RNF213: variants seen among roughly 807,000 people sequenced by gnomAD.
RNF213 encodes ring finger protein 213.
A neutral mutation model predicts 514.4 loss-of-function variants in RNF213; 341 were observed. That is an observed-to-expected ratio of 0.66 (90% confidence interval 0.61 to 0.73). The LOEUF (loss-of-function observed/expected upper bound fraction) is 0.73. Among genes scored for constraint, RNF213 ranks in the 30% least tolerant of loss-of-function variants. RNF213 has a pLI of 0.00. For missense variants in RNF213, 5,767 were observed against 6,615.6 expected (o/e 0.87, Z 4.45); for synonymous variants, 2,655 against 2,658.2 (o/e 1.00, Z 0.04).
chr17:80,325,857 G>A (rs140560595), intron 18 of RNF213, among the ~76,000 whole-genome samples: 1,529 of 152,278 alleles, frequency 0.01, 28 homozygotes, highest in African/African-American at 0.035. Context: ...CAGGGAAGCT[G>A]TGGGGATCAA....
At position 80,377,831 on chromosome 17, in the gene RNF213, T is replaced by C. The variant is rs1344064684; in HGVS notation, c.13545+35T>C. The C allele has an allele frequency of 6.2e-7, 1 of 1,612,728 alleles. No individual in the cohort carries two copies. Among genetic ancestry groups the C allele is most frequent in the Admixed American group, 1.7e-5 (1 of 60,012 alleles). Reference sequence around the variant, plus strand: ...GGTATTTAAGATAGGGTTTGAGGGGTGGCGTGCACTCCTGGGTTGGAGGAG... The same window carrying C: ...GGTATTTAAGATAGGGTTTGAGGGGCGGCGTGCACTCCTGGGTTGGAGGAG... On this transcript the variant is annotated intron_variant, in intron 54 of 67. Coordinates refer to ENST00000582970, the MANE Select transcript of RNF213 (RefSeq NM_001256071.3). The surrounding 1 kb of genome is among the most constrained non-coding windows in gnomAD (Gnocchi z 4.1).
At chr17:80,293,796 C>T (rs1248678644) in intron 8 of RNF213, among the ~76,000 whole-genome samples, 5 of 151,828 alleles carry the variant, frequency 3.3e-5, no homozygotes, top group African/African-American at 1.2e-4. Flanking sequence ...CACTGCACTC[C>T]AGCCTGGGCG....
intron 36 of RNF213, among the ~76,000 whole-genome samples, chr17:80,357,388 C>T (rs2144312347): frequency 6.6e-6 from 1 of 152,300 alleles, no homozygotes; most frequent in South Asian, 2.1e-4. Flanking sequence ...TCCATCCACC[C>T]ATCTGTCCGT....
In RNF213 at chr17:80,359,024, G is replaced by A. The variant is rs117254855; in HGVS notation, c.11054+545G>A. Among the ~76,000 whole-genome samples, 683 of 152,276 alleles carry A rather than the reference G, an allele frequency of 4.5e-3. 3 individuals carry two copies. Among genetic ancestry groups the A allele is most frequent in the Non-Finnish European group, 7.2e-3 (490 of 68,020 alleles). On this transcript the variant is annotated intron_variant, in intron 37 of 67. Transcript: ENST00000582970. ...AGCCAGACCCAGCATGGCGTGACAC[G>A]GAGACAGTGCGCTGCGAACAGCCCC...
chr17:80,377,436 A>C lies in RNF213; in HGVS notation c.13511-326A>C, dbSNP rs1289702096. ...AAAGTTGTTATAAAATATGCTCATGACAAAAAAAAAAAAATCAAGGAAAAT... is the reference window on the plus strand; with the variant it reads ...AAAGTTGTTATAAAATATGCTCATGCCAAAAAAAAAAAAATCAAGGAAAAT... On this transcript the variant is annotated intron_variant, in intron 53 of 67. Transcript: ENST00000582970. This position sits in a 1 kb window ranked among gnomAD's most constrained non-coding sequence, Gnocchi z 4.1. Among the ~76,000 whole-genome samples the C allele has an allele frequency of 1.8e-5, 2 of 110,936 alleles. No homozygotes were observed. Among genetic ancestry groups the C allele is most frequent in the Non-Finnish European group, 4.4e-5 (2 of 45,068 alleles). 72.8% of individuals were successfully genotyped at this position (110,936 alleles called of 152,430 possible).
Position 80,273,325 on chromosome 17 carries a change from C to G in RNF213, c.182C>G (p.Pro61Arg). ...CAGGAGCTGAAGGAGGAAGGGGGCC[C>G]GTGCTTGTTCCCGGGCTCAGACAGT... The part of the protein sequence containing the change: ...CGQELKEEGG[P>R]CLFPGSDSWQ... Residue 61 changes from proline to arginine, a missense_variant, in exon 3 of 68, where the codon CCG (proline) becomes CGG (arginine). Pro to Arg is a moderately radical substitution (Grantham distance 103, BLOSUM62 -2). This residue lies in a region of RNF213 where 509 missense variants were observed against 496.7 expected (regional missense o/e 1.02). Coordinates refer to ENST00000582970, the MANE Select transcript of RNF213 (RefSeq NM_001256071.3). 1 of 1,613,524 alleles carries G rather than the reference C, an allele frequency of 6.2e-7. No individual in the cohort carries two copies. Among genetic ancestry groups the G allele is most frequent in the Non-Finnish European group, 8.5e-7 (1 of 1,180,010 alleles).
intron 8 of RNF213, among the ~76,000 whole-genome samples, chr17:80,293,397 G>A (rs1394747467): frequency 6.6e-6 from 1 of 152,050 alleles, no homozygotes; most frequent in South Asian, 2.1e-4. Context: ...TGTACTCTGA[G>A]AACATAAGCT....
rs535851392 is a variant in RNF213, at chr17:80,264,064, G to A, written c.97+286G>A. 9.2e-5 allele frequency among the ~76,000 whole-genome samples: 14 copies of A among 152,344 alleles called. No homozygotes were observed. In the South Asian group the frequency reaches 1.2e-3, roughly 14 times the overall value. On this transcript the variant is annotated intron_variant, in intron 2 of 67. Transcript: ENST00000582970. This position sits in a 1 kb window ranked among gnomAD's most constrained non-coding sequence, Gnocchi z 5.0. The stretch of plus-strand genomic sequence containing the variant: ...GGCCTGAGTGAGCCCACCCGAGTGG[G>A]AGGAGAGGGCAGGGCCAGGGCAGGG...
At chr17:80,319,725 G>A in intron 17 of RNF213, 1 of 1,405,654 alleles carries the variant, frequency 7.1e-7, no homozygotes, top group Non-Finnish European at 9.3e-7. Context: ...TATGTGAAAT[G>A]GAAAATTGTA....
chr17:80,346,175 G>A lies in RNF213; in HGVS notation c.7840G>A (p.Val2614Met), dbSNP rs375548876. 210 of 1,614,052 alleles carry A rather than the reference G, an allele frequency of 1.3e-4. No homozygotes were observed. Among genetic ancestry groups the A allele is most frequent in the Non-Finnish European group, 1.7e-4 (200 of 1,180,040 alleles). Residue 2614 changes from valine (V) to methionine (M), a missense_variant, in exon 29 of 68, where the codon GTG (valine) becomes ATG (methionine). By Grantham distance (21) the Val-to-Met change is conservative. Around this residue, in one of 13 missense-constraint regions of RNF213, gnomAD observed 1,377 missense variants for 1,635.2 expected, o/e 0.84. Transcript: ENST00000582970. This position sits in a 1 kb window ranked among gnomAD's most constrained non-coding sequence, Gnocchi z 8.1. ...CAGCCTAGATGAAAACGGGACTCGC[G>A]TGATCACAGAAGTCCTCTGCGCCTC... Reference protein sequence around the residue: ...SISLDENGTRVITEVLCASQG... With the variant: ...SISLDENGTRMITEVLCASQG...
intron 36 of RNF213, 142 bp from the exon 37 acceptor site, chr17:80,358,144 CAA>C (rs1379407686): frequency 7.5e-6 from 5 of 666,696 alleles, no homozygotes; most frequent in Non-Finnish European, 1.3e-5. Flanking sequence ...ATGGAAATGT[CAA>C]GTTATTGCTG....
Position 80,395,663 on chromosome 17 carries a change from GCTAA to G in RNF213, c.*2172_*2175del, listed in dbSNP as rs139478382. The G allele has an allele frequency of 2.5e-4, 38 of 152,384 alleles. No individual in the cohort carries two copies. Among genetic ancestry groups the G allele is most frequent in the African/African-American group, 9.1e-4 (38 of 41,560 alleles). The allele number at this position is 152,384 out of a possible 1,614,324, so 9.4% of individuals were successfully genotyped here. A position where few individuals can be genotyped will look rare whatever the true frequency, so the allele number is the denominator to read the frequency against. ...TGCAGCTAACGGGGTACAGGTAGGA[GCTAA>G]CTAACTTCACCCCTGAGTCCACTTG... On this transcript the variant is annotated 3_prime_UTR_variant, in exon 68 of 68. Coordinates refer to ENST00000582970, the MANE Select transcript of RNF213 (RefSeq NM_001256071.3).
At chr17:80,389,486 A>G in intron 65 of RNF213, 119 bp downstream of exon 65, 1 of 860,784 alleles carries the variant, frequency 1.2e-6, no homozygotes, top group South Asian at 1.4e-5. Flanking sequence ...GGATGGGGAG[A>G]CAAGAACAAC....
chr17:80,361,603 G>T, intron 38 of RNF213, 131 bp from the exon 39 acceptor site: 1 of 883,600 alleles, frequency 1.1e-6, no homozygotes, highest in Non-Finnish European at 1.9e-6. Context: ...TCAGGCAGTT[G>T]GTACCCCTTT....
At position 80,346,521 on chromosome 17, in the gene RNF213, A is replaced by G; in HGVS notation, c.8186A>G (p.Gln2729Arg). Residue 2729 changes from glutamine (Q) to arginine (R), a missense_variant, in exon 29 of 68, where the codon CAG becomes CGG. Coordinates refer to ENST00000582970, the MANE Select transcript of RNF213 (RefSeq NM_001256071.3). This position sits in a 1 kb window ranked among gnomAD's most constrained non-coding sequence, Gnocchi z 8.1. ...RLLLDEITRA[Q>R]DLFLDGVPLR... ...CTTCTGGATGAAATAACACGGGCAC[A>G]GGATCTTTTTCTGGACGGCGTACCT... 6.2e-7 allele frequency: 1 copy of G among 1,613,642 alleles called. No individual in the cohort carries two copies. Among genetic ancestry groups the G allele is most frequent in the Non-Finnish European group, 8.5e-7 (1 of 1,180,042 alleles).
intron 13 of RNF213, among the ~76,000 whole-genome samples, chr17:80,308,629 C>T (rs545544133): frequency 5.3e-5 from 8 of 152,336 alleles, no homozygotes; most frequent in Non-Finnish European, 7.3e-5. Flanking sequence ...CAATTCCACA[C>T]GGGCTGCACG....
At position 80,385,406 on chromosome 17, in the gene RNF213, C is replaced by T. The variant is rs1262107083; in HGVS notation, c.14456-132C>T. 3 of 912,640 alleles carry T rather than the reference C, an allele frequency of 3.3e-6. No individual in the cohort carries two copies. The Admixed American group carries it at 5.9e-5, about 18-fold the overall frequency. 56.5% of individuals were successfully genotyped at this position (912,640 alleles called of 1,614,324 possible). On this transcript the variant is annotated intron_variant, in intron 60 of 67. Transcript: ENST00000582970. ...CTCAAACTCGGCTCACTCCTTCAAA[C>T]AGCACCTCAGACATGCTTGTGACTG...
At chr17:80,374,432 A>T in intron 49 of RNF213, 26 bp from the exon 50 acceptor site, 1 of 1,613,604 alleles carries the variant, frequency 6.2e-7, no homozygotes, top group Non-Finnish European at 8.5e-7. Flanking sequence ...CCCATTGTTC[A>T]CCCCCAACTA....
intron 3 of RNF213, among the ~76,000 whole-genome samples, chr17:80,280,552 C>G (rs759782016): frequency 3.9e-5 from 6 of 152,118 alleles, no homozygotes; most frequent in Non-Finnish European, 8.8e-5. Context: ...TTCCTGGGCT[C>G]AAGCAATCCT....
Sources: allele counts gnomAD v4.1 joint callset (sites outside exome capture counted in the v4.1 genomes callset), GRCh38; gene constraint gnomAD v4.1.1; regional missense constraint gnomAD v4.1.1; non-coding constraint Gnocchi (gnomAD v3.1); transcripts MANE v1.5; gene names NCBI Gene and HGNC (gene_info 2026-07-23, HGNC 2026-07-21).